The following GALNT6 variants were observed in gnomAD, a reference collection of about 807,000 sequenced individuals.
GALNT6 encodes the protein GalNAc transferase 6.
A neutral mutation model predicts 65.9 loss-of-function variants in GALNT6; 51 were observed. The observed-to-expected ratio is 0.77, with a 90% CI of 0.62 to 0.98. The LOEUF is 0.98. Ranked by LOEUF, GALNT6 falls within the 50% of genes least tolerant of loss-of-function variation. The probability of loss-of-function intolerance (pLI) is 0.00; values close to 1 mark genes in which losing one functional copy is unlikely to be tolerated. For synonymous variants in GALNT6, 323 were observed against 315.1 expected, an observed-to-expected ratio of 1.02 and a Z score of -0.26; for missense variants, 708 against 803.3, an observed-to-expected ratio of 0.88 and a Z score of 1.43.
chr12:51,357,349 C>T lies in GALNT6; in HGVS notation c.1602G>A (p.Gln534=), dbSNP rs762599049. ...CTCCGGAGATGGGTGGGCTGCATAC[C>T]TGGTTGCCGCCAAGGCCGTGGCAGG... ...MYSCHGLGGN[Q]YFEYTTQRDL... is the part of the protein sequence containing the mutation. The change falls in exon 10 of 12, where the codon CAG becomes CAA. Residue 534 remains glutamine, a splice_region_variant and synonymous_variant. Coordinates refer to ENST00000356317, the MANE Select transcript of GALNT6 (RefSeq NM_007210.4). 2.5e-6 allele frequency: 4 copies of T among 1,602,040 alleles called. No individual in the cohort carries two copies. In the Admixed American group the frequency reaches 5.0e-5, roughly 20 times the overall value.
At chr12:51,362,102 G>GTC (rs1235003957) in intron 6 of GALNT6, among the ~76,000 whole-genome samples, 2 of 152,144 alleles carry the variant, frequency 1.3e-5, no homozygotes, top group African/African-American at 4.8e-5. Context: ...TCTCCCAGGG[G>GTC]TCTTAAACCG....
chr12:51,356,035 C>T, intron 10 of GALNT6, 77 bp from the exon 11 acceptor site: 1 of 1,338,932 alleles, frequency 7.5e-7, no homozygotes, highest in Non-Finnish European at 1.1e-6. Flanking sequence ...AGCTGTCTAC[C>T]ATGCATGGTC....
intron 2 of GALNT6, among the ~76,000 whole-genome samples, chr12:51,388,082 CT>C (rs1402786478): frequency 1.3e-5 from 2 of 152,188 alleles, no homozygotes; most frequent in African/African-American, 2.4e-5. Context: ...AAGCCAGCCC[CT>C]GTCCCACTCT....
chr12:51,367,101 T>C (rs1033910049), intron 4 of GALNT6, among the ~76,000 whole-genome samples: 15 of 152,102 alleles, frequency 9.9e-5, no homozygotes, highest in African/African-American at 3.1e-4. Flanking sequence ...CTGTCTCTAC[T>C]GAAAATACAA....
intron 3 of GALNT6, 23 bp from the exon 4 acceptor site, chr12:51,377,390 A>T (rs2277380): frequency 1.9e-6 from 3 of 1,609,954 alleles, no homozygotes; most frequent in South Asian, 2.2e-5. Flanking sequence ...AAGTACGGAC[A>T]AAGTTCTCCT....
chr12:51,365,454 C>A lies in GALNT6; in HGVS notation c.790G>T (p.Val264Leu), dbSNP rs1178265964. 2 of 1,611,526 alleles carry A rather than the reference C, an allele frequency of 1.2e-6. No individual in the cohort carries two copies. The highest frequency in any genetic ancestry group is 1.3e-5 in the African/African-American group (1 of 74,864). The change falls in exon 5 of 12, where the codon GTG (valine) becomes TTG (leucine). Residue 264 changes from valine (V) to leucine (L), a missense_variant. Coordinates refer to ENST00000356317, the MANE Select transcript of GALNT6 (RefSeq NM_007210.4). ...LLGASVAQAE[V>L]LTFLDAHCEC... is the part of the protein sequence containing the mutation. The stretch of plus-strand genomic sequence containing the variant: ...CAGTGGGCATCCAGGAACGTGAGCA[C>A]CTCCGCCTGTGCCACGCTGGCCCCC...
intron 4 of GALNT6, among the ~76,000 whole-genome samples, chr12:51,365,916 A>G (rs1445239282): frequency 2.0e-5 from 3 of 151,944 alleles, no homozygotes; most frequent in African/African-American, 7.3e-5. Context: ...ATCAAGTACA[A>G]ACTTTTTGTT....
chr12:51,364,484 C>T (rs1947031038), intron 5 of GALNT6, 129 bp from the exon 6 acceptor site: 2 of 654,596 alleles, frequency 3.1e-6, no homozygotes, highest in Non-Finnish European at 5.3e-6. Flanking sequence ...CAGCAAGCCC[C>T]ACAGCTACAG....
rs1946652296 is a variant in GALNT6, at chr12:51,353,027, AG to A, written c.*1351del. The A allele has an allele frequency of 6.6e-6, 1 of 152,212 alleles. No homozygotes were observed. The highest frequency in any genetic ancestry group is 2.4e-5 in the African/African-American group (1 of 41,418). 9.4% of individuals were successfully genotyped at this position (152,212 alleles called of 1,614,324 possible). A position where few individuals can be genotyped will look rare whatever the true frequency, so the allele number is the denominator to read the frequency against. ...AGCCAGCTAGAAATGATTAGAATGG[AG>A]GAAGAGGGAATGAGAAGGCTGGTGG... On this transcript the variant is annotated 3_prime_UTR_variant, in exon 12 of 12. Coordinates refer to ENST00000356317, the MANE Select transcript of GALNT6 (RefSeq NM_007210.4).
At position 51,379,512 on chromosome 12, in the gene GALNT6, G is replaced by C. The variant is rs1457709001; in HGVS notation, c.270C>G (p.Leu90=). The C allele has an allele frequency of 6.2e-7, 1 of 1,614,194 alleles. No homozygotes were observed. The highest frequency in any genetic ancestry group is 8.5e-7 in the Non-Finnish European group (1 of 1,180,028). Residue 90 remains leucine, a synonymous_variant, in exon 3 of 12, where the codon CTC becomes CTG. Transcript: ENST00000356317. ...GTTCAGCTGGGGTATAGAACCCAGG[G>C]AGGCAGGACTGGTTTATGGAGAACA... ...QTLFSINQSC[L]PGFYTPAELK...
chr12:51,375,777 G>A (rs974320736), intron 4 of GALNT6, among the ~76,000 whole-genome samples: 2 of 151,800 alleles, frequency 1.3e-5, no homozygotes, highest in African/African-American at 2.4e-5. Flanking sequence ...GGGCTGTCTC[G>A]AACTCCTGAC....
At chr12:51,370,677 G>T (rs1411424456) in intron 4 of GALNT6, among the ~76,000 whole-genome samples, 2 of 152,194 alleles carry the variant, frequency 1.3e-5, no homozygotes, top group East Asian at 3.8e-4. Context: ...AAGGGTGGTT[G>T]CCAGGGGTTG....
At chr12:51,381,203 G>A (rs1947660441) in intron 2 of GALNT6, among the ~76,000 whole-genome samples, 1 of 152,208 alleles carries the variant, frequency 6.6e-6, no homozygotes, top group Non-Finnish European at 1.5e-5. Flanking sequence ...TCGCACCATT[G>A]CTCTTCAGCA....
chr12:51,381,892 C>T (rs1947684260), intron 2 of GALNT6, among the ~76,000 whole-genome samples: 1 of 152,262 alleles, frequency 6.6e-6, no homozygotes, highest in Non-Finnish European at 1.5e-5. Flanking sequence ...AAGCCACGTT[C>T]ATTACTCCCT....
intron 2 of GALNT6, among the ~76,000 whole-genome samples, chr12:51,386,105 T>C (rs761173820): frequency 7.2e-5 from 11 of 152,240 alleles, no homozygotes; most frequent in Non-Finnish European, 1.3e-4. Context: ...AAGAAATACT[T>C]GACTTACAGG....
chr12:51,369,493 C>G (rs1309452149), intron 4 of GALNT6, among the ~76,000 whole-genome samples: 2 of 152,150 alleles, frequency 1.3e-5, no homozygotes, highest in Non-Finnish European at 2.9e-5. Flanking sequence ...TTCAACACCC[C>G]ACCACCCCAA....
chr12:51,356,016 C>T (rs2137529191), intron 10 of GALNT6, 58 bp from the exon 11 acceptor site: 4 of 1,553,192 alleles, frequency 2.6e-6, no homozygotes, highest in East Asian at 2.3e-5. Flanking sequence ...TCCAAAGCCA[C>T]CTGCCCTGAG....
intron 2 of GALNT6, among the ~76,000 whole-genome samples, chr12:51,381,397 T>C (rs530467931): frequency 1.1e-3 from 175 of 152,320 alleles, no homozygotes; most frequent in South Asian, 6.2e-3. Context: ...CCCTAGAGGA[T>C]GAATGCTTGC....
intron 4 of GALNT6, among the ~76,000 whole-genome samples, chr12:51,371,378 C>T (rs961926419): frequency 1.3e-4 from 20 of 152,114 alleles, no homozygotes; most frequent in African/African-American, 4.6e-4. Flanking sequence ...GCCATGGGCC[C>T]GGCTCCTTAC....
Sources: allele counts gnomAD v4.1 joint callset (sites outside exome capture counted in the v4.1 genomes callset), GRCh38; gene constraint gnomAD v4.1.1; transcripts MANE v1.5; gene names NCBI Gene and HGNC (gene_info 2026-07-23, HGNC 2026-07-21).